Variants in GABBR1 observed in about 807,000 individuals in gnomAD.
The protein encoded by GABBR1 is GABA-B receptor, R1 subunit.
In GABBR1, 35 loss-of-function variants were observed where a neutral mutation model predicts 117.7. The ratio of observed to expected loss-of-function variants is 0.30; its 90% CI spans 0.23 to 0.39. The LOEUF (loss-of-function observed/expected upper bound fraction) is 0.39. Ranked by LOEUF, GABBR1 falls within the 10% of genes least tolerant of loss-of-function variation. The pLI, the probability that GABBR1 is intolerant of heterozygous loss-of-function variation, is 1.00. For missense variants in GABBR1, 709 were observed against 1,241.8 expected (o/e 0.57, Z 6.45); for synonymous variants, 442 against 486.6 (o/e 0.91, Z 1.21).
In GABBR1 at chr6:29,627,144, G is replaced by A. The variant is rs922369053; in HGVS notation, c.657+342C>T. Among the ~76,000 whole-genome samples the A allele has an allele frequency of 6.6e-6, 1 of 151,984 alleles. No individual in the cohort carries two copies. The highest frequency in any genetic ancestry group is 6.6e-5 in the Admixed American group (1 of 15,266). On this transcript the variant is annotated intron_variant, in intron 6 of 22. Coordinates refer to ENST00000377034, the MANE Select transcript of GABBR1 (RefSeq NM_001470.4). The surrounding 1 kb of genome is among the most constrained non-coding windows in gnomAD (Gnocchi z 4.4). Reference sequence around the variant, plus strand: ...TCCCTCCACCCCCAACCCATTCCAGGGTTAGTTTACTCCCTCAGAGGATCA... The same window carrying A: ...TCCCTCCACCCCCAACCCATTCCAGAGTTAGTTTACTCCCTCAGAGGATCA...
chr6:29,632,314 G>A lies in GABBR1; in HGVS notation c.72C>T (p.Asn24=). 1 of 1,379,142 alleles carries A rather than the reference G, an allele frequency of 7.3e-7. No individual in the cohort carries two copies. The highest frequency in any genetic ancestry group is 9.4e-7 in the Non-Finnish European group (1 of 1,063,478). The allele number at this position is 1,379,142 out of a possible 1,614,324, so 85.4% of individuals were successfully genotyped here. ...PPGAGGAQTP[N]ATSEGCQIIH... Reference sequence around the variant, plus strand: ...AGAAGGATGCACCTTCTGAGGTGGCGTTGGGGGTCTGCGCCCCGCCCGCGC... The same window carrying A: ...AGAAGGATGCACCTTCTGAGGTGGCATTGGGGGTCTGCGCCCCGCCCGCGC... The change falls in exon 2 of 23, where the codon AAC becomes AAT. Residue 24 remains asparagine (N), a synonymous_variant. Coordinates refer to ENST00000377034, the MANE Select transcript of GABBR1 (RefSeq NM_001470.4). The surrounding 1 kb of genome is among the most constrained non-coding windows in gnomAD (Gnocchi z 5.8).
intron 11 of GABBR1, among the ~76,000 whole-genome samples, chr6:29,615,981 C>G (rs1763056153): frequency 6.6e-6 from 1 of 151,974 alleles, no homozygotes; most frequent in African/African-American, 2.4e-5. Flanking sequence ...GCGGGTGGAT[C>G]ACCTGAGGTC....
chr6:29,622,832 T>C lies in GABBR1; in HGVS notation c.963+473A>G, dbSNP rs1763898084. On this transcript the variant is annotated intron_variant, in intron 8 of 22. Coordinates refer to ENST00000377034, the MANE Select transcript of GABBR1 (RefSeq NM_001470.4). This position sits in a 1 kb window ranked among gnomAD's most constrained non-coding sequence, Gnocchi z 4.6. ...ATCCATGCAGCTGCCTTTCTGCCCC[T>C]CTCTCTCCTCTCCCTCATTCCTCTC... is the stretch of plus-strand genomic sequence containing the variant. 6.6e-6 allele frequency among the ~76,000 whole-genome samples: 1 copy of C among 151,490 alleles called. No individual in the cohort carries two copies. Among genetic ancestry groups the C allele is most frequent in the Non-Finnish European group, 1.5e-5 (1 of 67,880 alleles).
Position 29,630,671 on chromosome 6 carries a change from G to C in GABBR1, c.290-28C>G, listed in dbSNP as rs761562802. The C allele has an allele frequency of 1.9e-6, 3 of 1,584,866 alleles. No homozygotes were observed. The South Asian group carries it at 3.3e-5, about 18-fold the overall frequency. On this transcript the variant is annotated intron_variant, in intron 3 of 22. Coordinates refer to ENST00000377034, the MANE Select transcript of GABBR1 (RefSeq NM_001470.4). The surrounding 1 kb of genome is among the most constrained non-coding windows in gnomAD (Gnocchi z 4.9). The stretch of plus-strand genomic sequence containing the variant: ...GTGGAGAGATAGGAAAATAAGAAGA[G>C]AGGCGAGTTGAAGAAGGCTCTTTCC...
rs920306972 is a variant in GABBR1 at position 29,620,488 on chromosome 6, C to T, written c.1323+613G>A. On this transcript the variant is annotated intron_variant, in intron 11 of 22. Coordinates refer to ENST00000377034, the MANE Select transcript of GABBR1 (RefSeq NM_001470.4). The surrounding 1 kb of genome is among the most constrained non-coding windows in gnomAD (Gnocchi z 4.5). ...GTGCCCACACCCACACTCACTTCTG[C>T]CCCTCAGCTGCAGGGCTGCCCCAGC... 6.6e-6 allele frequency among the ~76,000 whole-genome samples: 1 copy of T among 152,214 alleles called. No individual in the cohort carries two copies. The highest frequency in any genetic ancestry group is 2.4e-5 in the African/African-American group (1 of 41,460).
rs1205981902 is a variant in GABBR1 at position 29,606,213 on chromosome 6, G to A, written c.2311+178C>T. ...GCCCTAAGCTCCTCATAGCAAAAGA[G>A]CAACTCTCCCCTATTCTCAGAAAAG... On this transcript the variant is annotated intron_variant, in intron 19 of 22. Coordinates refer to ENST00000377034, the MANE Select transcript of GABBR1 (RefSeq NM_001470.4). The surrounding 1 kb of genome is among the most constrained non-coding windows in gnomAD (Gnocchi z 4.5). 3.3e-6 allele frequency: 2 copies of A among 612,740 alleles called. No homozygotes were observed. Among genetic ancestry groups the A allele is most frequent in the African/African-American group, 1.8e-5 (1 of 54,462 alleles). 38.0% of individuals were successfully genotyped at this position (612,740 alleles called of 1,614,324 possible). A position where few individuals can be genotyped will look rare whatever the true frequency, so the allele number is the denominator to read the frequency against.
rs184451357 is a variant in GABBR1, at chr6:29,621,009, C to T, written c.1323+92G>A. ...CCTCTTCTCCTTTATATCCAAATTC[C>T]GCACCCTCTCCCTGCCACCCTTTCC... On this transcript the variant is annotated intron_variant, in intron 11 of 22. Coordinates refer to ENST00000377034, the MANE Select transcript of GABBR1 (RefSeq NM_001470.4). This position sits in a 1 kb window ranked among gnomAD's most constrained non-coding sequence, Gnocchi z 5.0. The T allele has an allele frequency of 9.1e-5, 102 of 1,115,388 alleles. No homozygotes were observed. Among genetic ancestry groups the T allele is most frequent in the East Asian group, 2.0e-4 (8 of 41,012 alleles). The allele number at this position is 1,115,388 out of a possible 1,614,324, so 69.1% of individuals were successfully genotyped here.
At position 29,606,840 on chromosome 6, in the gene GABBR1, G is replaced by T; in HGVS notation, c.2217+57C>A. ...AAGACACACACAGCCCCAGGGCCCT[G>T]ATGGCCACTGAGCCCTGCTCATTCT... On this transcript the variant is annotated intron_variant, in intron 18 of 22. Coordinates refer to ENST00000377034, the MANE Select transcript of GABBR1 (RefSeq NM_001470.4). This position sits in a 1 kb window ranked among gnomAD's most constrained non-coding sequence, Gnocchi z 4.5. 7.0e-7 allele frequency: 1 copy of T among 1,435,992 alleles called. No individual in the cohort carries two copies. The highest frequency in any genetic ancestry group is 9.8e-7 in the Non-Finnish European group (1 of 1,021,134). 89.0% of individuals were successfully genotyped at this position (1,435,992 alleles called of 1,614,324 possible). A position where few individuals can be genotyped will look rare whatever the true frequency, so the allele number is the denominator to read the frequency against.
Position 29,623,291 on chromosome 6 carries a change from C to G in GABBR1, c.963+14G>C. On this transcript the variant is annotated intron_variant, in intron 8 of 22. Transcript: ENST00000377034. The surrounding 1 kb of genome is among the most constrained non-coding windows in gnomAD (Gnocchi z 6.2). ...AGCTTATGTCCCTTTACCCCTTGCC[C>G]AACCCCTCCTCACCGAAGTGAAGAC... 6.2e-7 allele frequency: 1 copy of G among 1,607,010 alleles called. No homozygotes were observed. The highest frequency in any genetic ancestry group is 8.5e-7 in the Non-Finnish European group (1 of 1,174,356).
At chr6:29,628,336 C>T (rs1764586740) in intron 5 of GABBR1, 1 of 168,892 alleles carries the variant, frequency 5.9e-6, no homozygotes, top group Non-Finnish European at 1.2e-5. Flanking sequence ...GAGGCTGAAG[C>T]ACGGAGGAAC....
In GABBR1 at chr6:29,622,397, C is replaced by G. The variant is rs914493667; in HGVS notation, c.964-192G>C. 1.4e-5 allele frequency: 8 copies of G among 589,412 alleles called. No individual in the cohort carries two copies. The highest frequency in any genetic ancestry group is 1.3e-4 in the African/African-American group (7 of 53,818). 36.5% of individuals were successfully genotyped at this position (589,412 alleles called of 1,614,324 possible). A position where few individuals can be genotyped will look rare whatever the true frequency, so the allele number is the denominator to read the frequency against. On this transcript the variant is annotated intron_variant, in intron 8 of 22. Coordinates refer to ENST00000377034, the MANE Select transcript of GABBR1 (RefSeq NM_001470.4). The surrounding 1 kb of genome is among the most constrained non-coding windows in gnomAD (Gnocchi z 4.6). The stretch of plus-strand genomic sequence containing the variant: ...GGCATCTGGTCTTAGGATGTGGATT[C>G]CAAGTGGGAAGGTGAATGGTGAGCC...
chr6:29,632,774 G>A lies in GABBR1; in HGVS notation c.-1+76C>T, dbSNP rs1765145742. On this transcript the variant is annotated intron_variant, in intron 1 of 22. Coordinates refer to ENST00000377034, the MANE Select transcript of GABBR1 (RefSeq NM_001470.4). The surrounding 1 kb of genome is among the most constrained non-coding windows in gnomAD (Gnocchi z 5.8). The stretch of plus-strand genomic sequence containing the variant: ...GCCCCGCTTCCCCCAGCTGGGCCCT[G>A]CGCCCACTGCCCCCTCCCCCACCAC... 2.2e-6 allele frequency: 2 copies of A among 918,702 alleles called. No individual in the cohort carries two copies. The highest frequency in any genetic ancestry group is 4.7e-5 in the Admixed American group (1 of 21,186). The allele number at this position is 918,702 out of a possible 1,614,324, so 56.9% of individuals were successfully genotyped here.
At chr6:29,617,105 G>T (rs1196100660) in intron 11 of GABBR1, among the ~76,000 whole-genome samples, 2 of 151,124 alleles carry the variant, frequency 1.3e-5, no homozygotes. Flanking sequence ...TGGTTATTCA[G>T]CTTTAAAATG....
chr6:29,606,473 C>T lies in GABBR1; in HGVS notation c.2229G>A (p.Lys743=). The change falls in exon 19 of 23, where the codon AAG becomes AAA. Residue 743 remains lysine, a synonymous_variant. Transcript: ENST00000377034. This position sits in a 1 kb window ranked among gnomAD's most constrained non-coding sequence, Gnocchi z 4.5. ...PLHRTIETFA[K]EEPKEDIDVS... ...CGTCAATATCTTCCTTAGGTTCCTC[C>T]TTGGCAAATGTCTAGGGCAGAAACA... 1 of 1,611,716 alleles carries T rather than the reference C, an allele frequency of 6.2e-7. No individual in the cohort carries two copies.
Position 29,606,031 on chromosome 6 carries a change from C to T in GABBR1, c.2312-335G>A, listed in dbSNP as rs1761917103. The T allele has an allele frequency of 5.8e-6, 3 of 514,334 alleles. No individual in the cohort carries two copies. Among genetic ancestry groups the T allele is most frequent in the South Asian group, 2.8e-5 (1 of 35,276 alleles). 31.9% of individuals were successfully genotyped at this position (514,334 alleles called of 1,614,324 possible). ...CCCTACAGGTGGGAAGGTGGCTTTC[C>T]AGGCAGAGGGTAGGTTTGCAATTTG... On this transcript the variant is annotated intron_variant, in intron 19 of 22. Coordinates refer to ENST00000377034, the MANE Select transcript of GABBR1 (RefSeq NM_001470.4). This position sits in a 1 kb window ranked among gnomAD's most constrained non-coding sequence, Gnocchi z 4.5.
rs1250882585 is a variant in GABBR1, at chr6:29,604,333, A to G, written c.2712+161T>C. On this transcript the variant is annotated intron_variant, in intron 22 of 22. Transcript: ENST00000377034. The surrounding 1 kb of genome is among the most constrained non-coding windows in gnomAD (Gnocchi z 5.3). The stretch of plus-strand genomic sequence containing the variant: ...CTTGCTCAGCCCTTTCCCCTCCCCT[A>G]TGCTGCTCCATTCACTCCTTACAGG... Among the ~76,000 whole-genome samples the G allele has an allele frequency of 6.6e-6, 1 of 151,804 alleles. No homozygotes were observed. The highest frequency in any genetic ancestry group is 1.5e-5 in the Non-Finnish European group (1 of 67,936).
Position 29,627,962 on chromosome 6 carries a change from C to A in GABBR1, c.497-316G>T, listed in dbSNP as rs1764499452. 7.5e-7 allele frequency: 1 copy of A among 1,336,252 alleles called. No individual in the cohort carries two copies. The allele number at this position is 1,336,252 out of a possible 1,614,324, so 82.8% of individuals were successfully genotyped here. A position where few individuals can be genotyped will look rare whatever the true frequency, so the allele number is the denominator to read the frequency against. On this transcript the variant is annotated intron_variant, in intron 5 of 22. Transcript: ENST00000377034. This position sits in a 1 kb window ranked among gnomAD's most constrained non-coding sequence, Gnocchi z 4.4. ...GGGAAGGTTGGCTTCCTACGGCCCC[C>A]GCGGCTCTCGCCACCGTCGCCGCCA...
Position 29,604,703 on chromosome 6 carries a change from G to A in GABBR1, c.2569-66C>T. The stretch of plus-strand genomic sequence containing the variant: ...CTGTACTAGTGACTGGCTGATGGAA[G>A]GTTGGAGGTGGAAGGAATGCTGATA... On this transcript the variant is annotated intron_variant, in intron 21 of 22. Coordinates refer to ENST00000377034, the MANE Select transcript of GABBR1 (RefSeq NM_001470.4). The surrounding 1 kb of genome is among the most constrained non-coding windows in gnomAD (Gnocchi z 5.3). The A allele has an allele frequency of 6.2e-7, 1 of 1,607,646 alleles. No homozygotes were observed. The highest frequency in any genetic ancestry group is 1.1e-5 in the South Asian group (1 of 90,936).
Position 29,621,999 on chromosome 6 carries a change from T to A in GABBR1, c.1065+105A>T. The A allele has an allele frequency of 9.0e-7, 1 of 1,112,352 alleles. No homozygotes were observed. The highest frequency in any genetic ancestry group is 1.3e-6 in the Non-Finnish European group (1 of 741,976). The allele number at this position is 1,112,352 out of a possible 1,614,324, so 68.9% of individuals were successfully genotyped here. ...AACTTCCCCAGGAGATGCTATTGCC[T>A]CAGAGAATCAAAACCTGCCCCCGCC... On this transcript the variant is annotated intron_variant, in intron 9 of 22. Transcript: ENST00000377034. This position sits in a 1 kb window ranked among gnomAD's most constrained non-coding sequence, Gnocchi z 5.0.
Sources: gnomAD v4.1 joint callset for allele counts (sites outside exome capture counted in the v4.1 genomes callset) on GRCh38, gnomAD v4.1.1 for gene constraint, Gnocchi (gnomAD v3.1) non-coding constraint, MANE v1.5 for transcripts, NCBI Gene and HGNC (gene_info 2026-07-23, HGNC 2026-07-21) for gene names.